EIF2AK4: variants seen among roughly 807,000 people sequenced by gnomAD.
EIF2AK4 encodes the protein eukaryotic translation initiation factor 2 alpha kinase 4, also known as eIF-2-alpha kinase GCN2.
A neutral mutation model predicts 211.1 loss-of-function variants in EIF2AK4; 139 were observed. That is an observed-to-expected ratio of 0.66 (90% CI 0.57 to 0.76). EIF2AK4 has a LOEUF of 0.76. EIF2AK4 is among the 30% of genes least tolerant of loss of function. The pLI is 0.00. For missense variants in EIF2AK4, 1,664 were observed against 2,043.8 expected, an observed-to-expected ratio of 0.81 and a Z score of 3.58; for synonymous variants, 710 against 751.3, an observed-to-expected ratio of 0.94 and a Z score of 0.90.
At chr15:40,011,253 T>A (rs751066928) in intron 26 of EIF2AK4, 28 bp from the exon 27 acceptor site, 1 of 1,609,986 alleles carries the variant, frequency 6.2e-7, no homozygotes, top group South Asian at 1.1e-5. Flanking sequence ...TTCGCGACTC[T>A]CATTGTTACC....
intron 9 of EIF2AK4, among the ~76,000 whole-genome samples, chr15:39,968,873 G>GAT (rs376138307): frequency 0.028 from 4,095 of 147,104 alleles, 64 homozygotes; most frequent in African/African-American, 0.042. Flanking sequence ...AAGTGAATAT[G>GAT]ATATATATAT....
At chr15:40,004,115 G>A (rs2035128339) in intron 23 of EIF2AK4, among the ~76,000 whole-genome samples, 2 of 152,206 alleles carry the variant, frequency 1.3e-5, no homozygotes, top group South Asian at 2.1e-4. Context: ...AGAGATGACA[G>A]GAGTGTAGGA....
intron 3 of EIF2AK4, among the ~76,000 whole-genome samples, chr15:39,945,258 G>A (rs2034211348): frequency 1.3e-5 from 2 of 151,874 alleles, no homozygotes; most frequent in African/African-American, 4.8e-5. Context: ...AGGATTACAG[G>A]CCCGAGCCAC....
chr15:40,009,725 G>A lies in EIF2AK4; in HGVS notation c.3688G>A (p.Ala1230Thr), dbSNP rs2035211285. The change falls in exon 26 of 39, where the codon GCT becomes ACT. Residue 1230 changes from alanine (A) to threonine (T), a missense_variant. Physicochemically the swap from Ala to Thr is moderately conservative, Grantham distance 58 (BLOSUM62 0). Coordinates refer to ENST00000263791, the MANE Select transcript of EIF2AK4 (RefSeq NM_001013703.4). ...TCAAGTCTACATTATTCTGTATGAT[G>A]CTGTGGTAAGCATTTAATTACTTAT... ...LSQVYIILYD[A>T]VTEKLTRREV... is the part of the protein sequence containing the mutation. 3.2e-6 allele frequency: 5 copies of A among 1,561,132 alleles called. No homozygotes were observed. The highest frequency in any genetic ancestry group is 4.4e-6 in the Non-Finnish European group (5 of 1,140,042).
chr15:39,993,621 G>A (rs1315056391), intron 18 of EIF2AK4, among the ~76,000 whole-genome samples: 1 of 152,236 alleles, frequency 6.6e-6, no homozygotes, highest in Non-Finnish European at 1.5e-5. Flanking sequence ...CAAAAGGAAG[G>A]CTAGTGTGGC....
chr15:40,000,286 C>A (rs1269557194), intron 20 of EIF2AK4, among the ~76,000 whole-genome samples: 2 of 152,096 alleles, frequency 1.3e-5, no homozygotes, highest in Non-Finnish European at 1.5e-5. Flanking sequence ...GGTAGGGGGG[C>A]ATATTTTAAA....
chr15:39,983,858 A>G (rs1327485515), intron 13 of EIF2AK4, among the ~76,000 whole-genome samples: 1 of 152,216 alleles, frequency 6.6e-6, no homozygotes, highest in Non-Finnish European at 1.5e-5. Flanking sequence ...TAGTTTAATT[A>G]GATCCCATTT....
At chr15:40,026,195 C>A in intron 33 of EIF2AK4, 106 bp downstream of exon 33, 2 of 1,004,936 alleles carry the variant, frequency 2.0e-6, no homozygotes, top group Non-Finnish European at 2.9e-6. Flanking sequence ...TGGCTCACAC[C>A]TGTAATCCCA....
At position 40,008,151 on chromosome 15, in the gene EIF2AK4, A is replaced by G; in HGVS notation, c.3532A>G (p.Ile1178Val). The change falls in exon 25 of 39, where the codon ATC becomes GTC. Residue 1178 changes from isoleucine to valine, a missense_variant. Physicochemically the swap from Ile to Val is conservative, Grantham distance 29. This residue lies in a region of EIF2AK4 where 622 missense variants were observed against 796.8 expected (regional missense o/e 0.78). Transcript: ENST00000263791. ...CAGCTTTCTGCCCACTGCTGAAATT[A>G]TCTACACTATCTATGAAATCATCCA... ...TNSFLPTAEIIYTIYEIIQEF... is the reference protein window; with the variant it reads ...TNSFLPTAEIVYTIYEIIQEF... 6.2e-7 allele frequency: 1 copy of G among 1,612,026 alleles called. No homozygotes were observed. Among genetic ancestry groups the G allele is most frequent in the Non-Finnish European group, 8.5e-7 (1 of 1,179,334 alleles).
intron 13 of EIF2AK4, among the ~76,000 whole-genome samples, chr15:39,979,850 G>C (rs770548638): frequency 6.6e-6 from 1 of 152,058 alleles, no homozygotes; most frequent in Non-Finnish European, 1.5e-5. Context: ...TTCACATCAC[G>C]GCTTAAGAAA....
At position 39,964,072 on chromosome 15, in the gene EIF2AK4, C is replaced by A. The variant is rs539010868; in HGVS notation, c.860-1614C>A. 2.6e-5 allele frequency among the ~76,000 whole-genome samples: 4 copies of A among 152,256 alleles called. No individual in the cohort carries two copies. The East Asian group carries it at 5.8e-4, about 22-fold the overall frequency. On this transcript the variant is annotated intron_variant, in intron 7 of 38. Coordinates refer to ENST00000263791, the MANE Select transcript of EIF2AK4 (RefSeq NM_001013703.4). ...AACAGCAGGATTTTTTCCCCTTAGG[C>A]AAAGACTGTCAGGAGTTATTTATGA... is the stretch of plus-strand genomic sequence containing the variant.
In EIF2AK4 at chr15:39,943,420, T is replaced by C; in HGVS notation, c.295T>C (p.Ser99Pro). ...EIELKNAKGL[S>P]NESVNLLKSR... ...AGAGTTAAAAAATGCCAAAGGTCTA[T>C]CAAATGAAAGTGTCAATTTGTTAAA... Residue 99 changes from serine to proline, a missense_variant, in exon 3 of 39, where the codon TCA becomes CCA. Around this residue, in one of 7 missense-constraint regions of EIF2AK4, gnomAD observed 641 missense variants for 729.6 expected, o/e 0.88. Coordinates refer to ENST00000263791, the MANE Select transcript of EIF2AK4 (RefSeq NM_001013703.4). 6.4e-7 allele frequency: 1 copy of C among 1,569,650 alleles called. No homozygotes were observed. Among genetic ancestry groups the C allele is most frequent in the Non-Finnish European group, 8.6e-7 (1 of 1,162,240 alleles).
chr15:39,984,123 G>T (rs775160334), intron 13 of EIF2AK4, among the ~76,000 whole-genome samples: 100 of 152,264 alleles, frequency 6.6e-4, no homozygotes, highest in Non-Finnish European at 9.4e-4. Flanking sequence ...TTTCCCCATT[G>T]CTTGTTTTTG....
intron 35 of EIF2AK4, among the ~76,000 whole-genome samples, chr15:40,031,915 G>A (rs1043192329): frequency 2.0e-5 from 3 of 152,082 alleles, no homozygotes; most frequent in Non-Finnish European, 2.9e-5. Flanking sequence ...CAGTAGAGAC[G>A]GGGTTTCACC....
chr15:40,025,040 GGAAGGTGCTGGGATTTATCCT>G (rs1567009625), intron 32 of EIF2AK4, among the ~76,000 whole-genome samples: 1 of 152,156 alleles, frequency 6.6e-6, no homozygotes, highest in African/African-American at 2.4e-5. Context: ...GAAGTCTTCA[GGAAGGTGCTGGGATTTATCCT>G]ACCCTCAAGA....
chr15:39,967,217 C>G, intron 8 of EIF2AK4, 127 bp from the exon 9 acceptor site: 1 of 1,047,798 alleles, frequency 9.5e-7, no homozygotes, highest in South Asian at 1.8e-5. Flanking sequence ...TCAAATACTT[C>G]ACTTTTGGTT....
intron 27 of EIF2AK4, among the ~76,000 whole-genome samples, chr15:40,013,582 A>C (rs1567005246): frequency 6.6e-6 from 1 of 152,210 alleles, no homozygotes; most frequent in Non-Finnish European, 1.5e-5. Flanking sequence ...GCAGAAGGCA[A>C]AGAGAGAGAA....
chr15:39,975,866 A>C (rs2140918083), intron 11 of EIF2AK4, among the ~76,000 whole-genome samples: 2 of 152,366 alleles, frequency 1.3e-5, no homozygotes, highest in African/African-American at 4.8e-5. Context: ...AATGGTATAA[A>C]TGCCATTTTA....
At position 40,009,720 on chromosome 15, in the gene EIF2AK4, A is replaced by G; in HGVS notation, c.3683A>G (p.Tyr1228Cys). The G allele has an allele frequency of 6.3e-7, 1 of 1,588,548 alleles. No homozygotes were observed. The highest frequency in any genetic ancestry group is 2.2e-5 in the East Asian group (1 of 44,460). The change falls in exon 26 of 39, where the codon TAT (tyrosine) becomes TGT (cysteine). Residue 1228 changes from tyrosine (Y) to cysteine (C), a missense_variant. By Grantham distance (194) the Tyr-to-Cys change is radical. This residue lies in a region of EIF2AK4 where 622 missense variants were observed against 796.8 expected (regional missense o/e 0.78). Coordinates refer to ENST00000263791, the MANE Select transcript of EIF2AK4 (RefSeq NM_001013703.4). ...CTCAGTCAAGTCTACATTATTCTGTATGATGCTGTGGTAAGCATTTAATTA... is the reference window on the plus strand; with the variant it reads ...CTCAGTCAAGTCTACATTATTCTGTGTGATGCTGTGGTAAGCATTTAATTA... ...DKLSQVYIILYDAVTEKLTRR... is the reference protein window; with the variant it reads ...DKLSQVYIILCDAVTEKLTRR...
Sources: gnomAD v4.1 joint callset for allele counts (sites outside exome capture counted in the v4.1 genomes callset) on GRCh38, gnomAD v4.1.1 for gene constraint, gnomAD v4.1.1 regional missense constraint, MANE v1.5 for transcripts, NCBI Gene and HGNC (gene_info 2026-07-23, HGNC 2026-07-21) for gene names.